NSUN3: variants seen among roughly 807,000 people sequenced by gnomAD.
The protein encoded by NSUN3 is tRNA (cytosine(34)-C(5))-methyltransferase, mitochondrial.
Under a neutral mutation model 36.8 loss-of-function variants are expected in NSUN3, and 24 were observed. The observed-to-expected ratio is 0.65, with a 90% confidence interval of 0.47 to 0.92. The LOEUF (loss-of-function observed/expected upper bound fraction) is 0.92. Among genes scored for constraint, NSUN3 ranks in the 40% least tolerant of loss-of-function variants. The pLI is 0.00. For missense variants in NSUN3, 381 were observed against 392.8 expected (o/e 0.97, Z 0.25); for synonymous variants, 146 against 145.2 (o/e 1.01, Z -0.04).
At chr3:94,067,707 A>C (rs1372892191) in intron 2 of NSUN3, among the ~76,000 whole-genome samples, 1 of 152,192 alleles carries the variant, frequency 6.6e-6, no homozygotes. Context: ...TCCTATGTAC[A>C]ACCCTCTGAA....
chr3:94,125,380 C>T (rs906069044), intron 5 of NSUN3, among the ~76,000 whole-genome samples: 6 of 152,284 alleles, frequency 3.9e-5, no homozygotes, highest in African/African-American at 1.2e-4. Context: ...TTCTGAAGAG[C>T]TGACTGTTAC....
At chr3:94,092,251 T>A in intron 3 of NSUN3, among the ~76,000 whole-genome samples, 1 of 152,208 alleles carries the variant, frequency 6.6e-6, no homozygotes, top group East Asian at 1.9e-4. Context: ...CTGAGAAGGC[T>A]CTGTAATTTC....
chr3:94,079,972 C>T (rs1222205434), intron 2 of NSUN3, among the ~76,000 whole-genome samples: 9 of 152,002 alleles, frequency 5.9e-5, no homozygotes, highest in East Asian at 3.9e-4. Context: ...GTTCCCTTGC[C>T]GGCGAGGAGT....
rs137913823 is a variant in NSUN3, at chr3:94,064,767, G to A, written c.122+221G>A. Among the ~76,000 whole-genome samples the A allele has an allele frequency of 1.4e-3, 206 of 152,286 alleles. 2 individuals carry two copies. The highest frequency in any genetic ancestry group is 3.9e-3 in the African/African-American group (164 of 41,566). On this transcript the variant is annotated intron_variant, in intron 2 of 5. Coordinates refer to ENST00000314622, the MANE Select transcript of NSUN3 (RefSeq NM_022072.5). ...TTTGTCGGGATGGTAAGCACAAATT[G>A]TTACGCCTTTGCTTTGAGCAATTAC...
intron 1 of NSUN3, 22 bp from the exon 2 acceptor site, chr3:94,064,415 C>T (rs2077194701): frequency 1.2e-5 from 17 of 1,477,394 alleles, no homozygotes; most frequent in Non-Finnish European, 1.5e-5. Flanking sequence ...TGTGTGTCAG[C>T]AACTTTTTCT....
intron 5 of NSUN3, among the ~76,000 whole-genome samples, chr3:94,106,497 A>G (rs1478527020): frequency 6.6e-6 from 1 of 152,212 alleles, no homozygotes; most frequent in African/African-American, 2.4e-5. Flanking sequence ...TAATACTTTT[A>G]AAACTGATGA....
intron 2 of NSUN3, among the ~76,000 whole-genome samples, chr3:94,067,672 G>C (rs1300820748): frequency 6.6e-6 from 1 of 152,124 alleles, no homozygotes; most frequent in African/African-American, 2.4e-5. Flanking sequence ...AGTCAATGTT[G>C]TAATCACTTT....
At chr3:94,064,613 G>A in intron 2 of NSUN3, 67 bp downstream of exon 2, 2 of 990,936 alleles carry the variant, frequency 2.0e-6, no homozygotes, top group South Asian at 1.5e-5. Flanking sequence ...CCTTTTTGTG[G>A]GAGGGATGCT....
intron 5 of NSUN3, among the ~76,000 whole-genome samples, chr3:94,100,476 A>G (rs1339597128): frequency 6.6e-6 from 1 of 152,200 alleles, no homozygotes; most frequent in East Asian, 1.9e-4. Flanking sequence ...CTGAGGGTGA[A>G]GGGAAGGATG....
intron 5 of NSUN3, among the ~76,000 whole-genome samples, chr3:94,095,378 A>G (rs1157372532): frequency 6.6e-6 from 1 of 152,020 alleles, no homozygotes; most frequent in Non-Finnish European, 1.5e-5. Context: ...ATTGCTGTGC[A>G]TTGTCTTTTA....
At chr3:94,124,144 A>ATTTTT (rs1560043016) in intron 5 of NSUN3, among the ~76,000 whole-genome samples, 1 of 120,396 alleles carries the variant, frequency 8.3e-6, no homozygotes, top group African/African-American at 3.1e-5. Context: ...TTATTATTTT[A>ATTTTT]TTTCTTTTTT....
At position 94,064,424 on chromosome 3, in the gene NSUN3, C is replaced by G; in HGVS notation, c.13-13C>G. On this transcript the variant is annotated splice_polypyrimidine_tract_variant and intron_variant, in intron 1 of 5. Coordinates refer to ENST00000314622, the MANE Select transcript of NSUN3 (RefSeq NM_022072.5). ...TATCACTGTGTGTCAGCAACTTTTT[C>G]TTATCGTCATAGCTGAAAGCAAAAT... The G allele has an allele frequency of 3.8e-6, 6 of 1,566,878 alleles. No individual in the cohort carries two copies. Among genetic ancestry groups the G allele is most frequent in the Non-Finnish European group, 5.3e-6 (6 of 1,137,776 alleles).
intron 4 of NSUN3, 65 bp downstream of exon 4, chr3:94,094,359 G>T: frequency 6.8e-7 from 1 of 1,472,552 alleles, no homozygotes; most frequent in South Asian, 1.3e-5. Flanking sequence ...GTTGCTTTGT[G>T]GTTGTTATTT....
intron 2 of NSUN3, among the ~76,000 whole-genome samples, chr3:94,074,473 A>G (rs1326509132): frequency 6.6e-6 from 1 of 152,016 alleles, no homozygotes; most frequent in African/African-American, 2.4e-5. Flanking sequence ...GTCCTCTCTT[A>G]TTTCCTCGAG....
At chr3:94,110,311 T>G (rs4857172) in intron 5 of NSUN3, among the ~76,000 whole-genome samples, 13,195 of 50,828 alleles carry the variant, frequency 0.26, 2,840 homozygotes, top group East Asian at 0.38. Context: ...ATAACTTTCA[T>G]TGATAGGAAG....
At chr3:94,125,516 T>C (rs866035740) in intron 5 of NSUN3, among the ~76,000 whole-genome samples, 8 of 152,206 alleles carry the variant, frequency 5.3e-5, no homozygotes, top group Non-Finnish European at 8.8e-5. Flanking sequence ...CTTCCAACTT[T>C]TTACCTGGTT....
chr3:94,118,028 T>C (rs2077447368), intron 5 of NSUN3, among the ~76,000 whole-genome samples: 1 of 152,160 alleles, frequency 6.6e-6, no homozygotes, highest in Non-Finnish European at 1.5e-5. Context: ...TAGGATTTGA[T>C]GGTACAGGAA....
At chr3:94,072,953 A>C (rs2077230288) in intron 2 of NSUN3, among the ~76,000 whole-genome samples, 1 of 152,002 alleles carries the variant, frequency 6.6e-6, no homozygotes, top group Admixed American at 6.6e-5. Flanking sequence ...TCTGTCCCCC[A>C]GCCCCTCACC....
intron 5 of NSUN3, among the ~76,000 whole-genome samples, chr3:94,117,887 ATG>A (rs897087130): frequency 6.6e-6 from 1 of 152,140 alleles, no homozygotes; most frequent in Non-Finnish European, 1.5e-5. Flanking sequence ...TGAAGGGAAT[ATG>A]TGTGTTTCGG....
Sources: gnomAD v4.1 joint callset for allele counts (sites outside exome capture counted in the v4.1 genomes callset) on GRCh38, gnomAD v4.1.1 for gene constraint, MANE v1.5 for transcripts, NCBI Gene and HGNC (gene_info 2026-07-23, HGNC 2026-07-21) for gene names.